The following MYO5B variants were observed in gnomAD, a reference collection of about 807,000 sequenced individuals.
MYO5B encodes myosin VB.
Under a neutral mutation model 229.3 loss-of-function variants are expected in MYO5B, and 143 were observed. The ratio of observed to expected loss-of-function variants is 0.62; its 90% CI spans 0.54 to 0.72. The LOEUF (loss-of-function observed/expected upper bound fraction) is 0.72. Among genes scored for constraint, MYO5B ranks in the 30% least tolerant of loss-of-function variants. MYO5B has a pLI of 0.00. For synonymous variants in MYO5B, 918 were observed against 885.2 expected (o/e 1.04, Z -0.66); for missense variants, 2,321 against 2,331.0 (o/e 1.00, Z 0.09).
intron 12 of MYO5B, among the ~76,000 whole-genome samples, chr18:49,960,555 A>G (rs551844640): frequency 1.3e-4 from 20 of 152,344 alleles, no homozygotes; most frequent in African/African-American, 4.8e-4. Context: ...GACAAATGTA[A>G]TAACACCTGT....
chr18:49,904,041 T>G (rs1040385280), intron 20 of MYO5B, among the ~76,000 whole-genome samples: 15 of 152,234 alleles, frequency 9.9e-5, no homozygotes, highest in African/African-American at 3.6e-4. Flanking sequence ...GCCTGGGCCC[T>G]CAGGCAGGTG....
At chr18:50,171,232 G>C (rs565901085) in intron 1 of MYO5B, among the ~76,000 whole-genome samples, 1 of 128,032 alleles carries the variant, frequency 7.8e-6, no homozygotes, top group Non-Finnish European at 1.7e-5. Flanking sequence ...AAAAAGTAAA[G>C]TAATCATCCA....
chr18:49,944,236 G>C (rs1244590864), intron 14 of MYO5B, among the ~76,000 whole-genome samples: 2 of 152,136 alleles, frequency 1.3e-5, no homozygotes, highest in Non-Finnish European at 2.9e-5. Context: ...AGGAAACTGA[G>C]ACTTAGGGCC....
intron 1 of MYO5B, among the ~76,000 whole-genome samples, chr18:50,066,791 C>T (rs1012973580): frequency 3.9e-5 from 6 of 152,186 alleles, no homozygotes; most frequent in Non-Finnish European, 8.8e-5. Flanking sequence ...AGATGAATTA[C>T]TGAGCAGACA....
chr18:49,890,310 A>T (rs1471703206), intron 22 of MYO5B, among the ~76,000 whole-genome samples: 1 of 152,208 alleles, frequency 6.6e-6, no homozygotes, highest in Non-Finnish European at 1.5e-5. Context: ...GCATCCCCTG[A>T]GCATGATAAA....
chr18:50,154,075 C>T (rs1435355877), intron 1 of MYO5B, among the ~76,000 whole-genome samples: 1 of 152,144 alleles, frequency 6.6e-6, no homozygotes, highest in East Asian at 1.9e-4. Flanking sequence ...CCACAATTGA[C>T]CTCCCAAAGC....
At chr18:49,937,503 T>C (rs926381262) in intron 14 of MYO5B, 106 bp from the exon 15 acceptor site, 10 of 1,317,188 alleles carry the variant, frequency 7.6e-6, no homozygotes, top group South Asian at 3.8e-5. Context: ...AAAACACACA[T>C]CCACGCCAAA....
chr18:50,048,259 T>C (rs917299231), intron 2 of MYO5B, among the ~76,000 whole-genome samples: 2 of 152,202 alleles, frequency 1.3e-5, no homozygotes, highest in Non-Finnish European at 2.9e-5. Context: ...TCTTGCACCA[T>C]GAAGCACAGC....
chr18:50,005,286 T>C (rs947979922), intron 4 of MYO5B, among the ~76,000 whole-genome samples: 1 of 152,222 alleles, frequency 6.6e-6, no homozygotes, highest in Non-Finnish European at 1.5e-5. Flanking sequence ...ACTGGGGTTG[T>C]AATCTAAAGG....
chr18:50,032,599 A>G (rs2026402002), intron 4 of MYO5B, among the ~76,000 whole-genome samples: 1 of 152,170 alleles, frequency 6.6e-6, no homozygotes, highest in African/African-American at 2.4e-5. Context: ...CATTTGATTT[A>G]TCCATTCATC....
At chr18:50,148,293 C>G (rs2032538072) in intron 1 of MYO5B, among the ~76,000 whole-genome samples, 1 of 149,956 alleles carries the variant, frequency 6.7e-6, no homozygotes, top group African/African-American at 2.5e-5. Flanking sequence ...GAAACTATTC[C>G]AATCAATAGA....
intron 36 of MYO5B, 103 bp downstream of exon 36, chr18:49,839,041 T>C: frequency 6.9e-7 from 1 of 1,444,738 alleles, no homozygotes; most frequent in Non-Finnish European, 9.6e-7. Flanking sequence ...CTGGAGGTCA[T>C]GGCTAAGATA....
chr18:50,074,933 G>T (rs1318021794), intron 1 of MYO5B, among the ~76,000 whole-genome samples: 1 of 152,004 alleles, frequency 6.6e-6, no homozygotes, highest in East Asian at 1.9e-4. Flanking sequence ...TGATTCTCCT[G>T]CCTCAGCCTC....
At chr18:49,911,983 A>C (rs1302011519) in intron 18 of MYO5B, 79 bp downstream of exon 18, 1 of 1,060,388 alleles carries the variant, frequency 9.4e-7, no homozygotes, top group African/African-American at 1.6e-5. Flanking sequence ...CCAAAAAAAA[A>C]ATGTAGATAA....
intron 2 of MYO5B, among the ~76,000 whole-genome samples, chr18:50,045,204 T>A (rs942074105): frequency 5.3e-5 from 8 of 152,194 alleles, no homozygotes; most frequent in African/African-American, 1.9e-4. Context: ...GAAATTTCGT[T>A]GTAAGCAATT....
intron 14 of MYO5B, among the ~76,000 whole-genome samples, chr18:49,949,668 A>G (rs552909370): frequency 6.6e-6 from 1 of 152,350 alleles, no homozygotes; most frequent in African/African-American, 2.4e-5. Flanking sequence ...CCCAACAGAA[A>G]AAAAAAGTCT....
intron 24 of MYO5B, among the ~76,000 whole-genome samples, chr18:49,878,484 G>A (rs1278626848): frequency 6.6e-6 from 1 of 151,956 alleles, no homozygotes; most frequent in Non-Finnish European, 1.5e-5. Flanking sequence ...CATTTCTGGA[G>A]GAAATGTTTA....
intron 1 of MYO5B, among the ~76,000 whole-genome samples, chr18:50,109,027 T>TA (rs1258486279): frequency 6.6e-6 from 1 of 152,190 alleles, no homozygotes. Flanking sequence ...CAAGACTAGC[T>TA]AAATGGACCA....
intron 32 of MYO5B, 83 bp from the exon 33 acceptor site, chr18:49,847,372 G>T: frequency 6.5e-7 from 1 of 1,529,870 alleles, no homozygotes. Flanking sequence ...GCGGGTGGAG[G>T]ATGGGACCTG....
Sources: gnomAD v4.1 joint callset for allele counts (sites outside exome capture counted in the v4.1 genomes callset) on GRCh38, gnomAD v4.1.1 for gene constraint, MANE v1.5 for transcripts, NCBI Gene and HGNC (gene_info 2026-07-23, HGNC 2026-07-21) for gene names.